The following CLHC1 variants were observed in gnomAD, a reference collection of about 807,000 sequenced individuals.
The protein encoded by CLHC1 is clathrin heavy chain linker domain containing 1, also known as clathrin heavy chain linker domain-containing protein 1.
In CLHC1, 72 loss-of-function variants were observed where a neutral mutation model predicts 69.5. The ratio of observed to expected loss-of-function variants is 1.04; its 90% CI spans 0.86 to 1.26. The LOEUF is 1.26. Among genes scored for constraint, CLHC1 ranks in the 50% most tolerant of loss-of-function variants. The pLI is 0.00. For missense variants in CLHC1, 790 were observed against 679.3 expected (o/e 1.16, Z -1.81); for synonymous variants, 223 against 224.3 (o/e 0.99, Z 0.05).
chr2:55,212,243 C>T (rs1421789463), intron 5 of CLHC1, among the ~76,000 whole-genome samples: 1 of 152,188 alleles, frequency 6.6e-6, no homozygotes, highest in African/African-American at 2.4e-5. Flanking sequence ...CACCACTGCA[C>T]ACCCAGCCTG....
chr2:55,178,406 C>G (rs1262495071), intron 11 of CLHC1, among the ~76,000 whole-genome samples: 1 of 152,202 alleles, frequency 6.6e-6, no homozygotes, highest in Admixed American at 6.5e-5. Flanking sequence ...AAGAACAATT[C>G]CATATGGGTT....
At chr2:55,186,082 T>C (rs1248483717) in intron 9 of CLHC1, among the ~76,000 whole-genome samples, 1 of 152,220 alleles carries the variant, frequency 6.6e-6, no homozygotes, top group East Asian at 1.9e-4. Context: ...CTACTATTCC[T>C]GGCTATATCT....
intron 9 of CLHC1, among the ~76,000 whole-genome samples, chr2:55,188,144 T>C (rs972124509): frequency 6.6e-6 from 1 of 151,984 alleles, no homozygotes; most frequent in Admixed American, 6.5e-5. Flanking sequence ...CAAGTCTCCA[T>C]CTGTACAAAA....
chr2:55,217,825 G>C lies in CLHC1; in HGVS notation c.351C>G (p.Ile117Met), dbSNP rs201178979. 18 of 1,540,666 alleles carry C rather than the reference G, an allele frequency of 1.2e-5. No homozygotes were observed. In the African/African-American group the frequency reaches 2.4e-4, roughly 21 times the overall value. Reference protein sequence around the residue: ...TALVYYRKRTIQLEAKMRIIE... With the variant: ...TALVYYRKRTMQLEAKMRIIE... ...AAAATACTTACTTTGCTTCAAGTTG[G>C]ATTGTTCTTTTCCTGTAATATACCA... Residue 117 changes from isoleucine to methionine, a missense_variant, in exon 4 of 13, where the codon ATC (isoleucine) becomes ATG (methionine). Transcript: ENST00000401408.
rs543004601 is a variant in CLHC1 at position 55,180,558 on chromosome 2, T to C, written c.1336A>G (p.Thr446Ala). ...AILCLCKQGQ[T>A]HRVMEYIQQL... ...TGTATGTACTCCATGACCCTATGAG[T>C]CTGACCCTGTTTACACAAGCAAAGA... Residue 446 changes from threonine (T) to alanine (A), a missense_variant, in exon 11 of 13, where the codon ACT becomes GCT. By Grantham distance (58) the Thr-to-Ala change is moderately conservative (BLOSUM62 0). Coordinates refer to ENST00000401408, the MANE Select transcript of CLHC1 (RefSeq NM_152385.4). 12 of 1,614,126 alleles carry C rather than the reference T, an allele frequency of 7.4e-6. No individual in the cohort carries two copies. The highest frequency in any genetic ancestry group is 3.4e-6 in the Non-Finnish European group (4 of 1,180,012).
rs1398773619 is a variant in CLHC1, at chr2:55,217,562, T to C, written c.365+249A>G. Among the ~76,000 whole-genome samples, 3 of 86,170 alleles carry C rather than the reference T, an allele frequency of 3.5e-5. 1 individual carries two copies. The highest frequency in any genetic ancestry group is 2.8e-4 in the Admixed American group (2 of 7,228). The allele number at this position is 86,170 out of a possible 152,430, so 56.5% of individuals were successfully genotyped here. A position where few individuals can be genotyped will look rare whatever the true frequency, so the allele number is the denominator to read the frequency against. On this transcript the variant is annotated intron_variant, in intron 4 of 12. Transcript: ENST00000401408. ...AAAAAAAAAAAAAAAAATATATATA[T>C]ATATATATATATATATATATATACT...
At chr2:55,203,745 C>A (rs1672180907) in intron 9 of CLHC1, among the ~76,000 whole-genome samples, 1 of 152,068 alleles carries the variant, frequency 6.6e-6, no homozygotes, top group South Asian at 2.1e-4. Flanking sequence ...GGACATTGGT[C>A]TCGGCAAAAA....
intron 4 of CLHC1, chr2:55,215,269 G>A (rs1673388820): frequency 6.6e-6 from 1 of 152,062 alleles, no homozygotes; most frequent in African/African-American, 2.4e-5. Context: ...CAAAATCAGG[G>A]CAAAATCTAA....
rs1669198205 is a variant in CLHC1 at position 55,174,355 on chromosome 2, T to A, written c.*1435A>T. Among the ~76,000 whole-genome samples, 1 of 152,162 alleles carries A rather than the reference T, an allele frequency of 6.6e-6. No homozygotes were observed. On this transcript the variant is annotated 3_prime_UTR_variant, in exon 13 of 13. Transcript: ENST00000401408. The stretch of plus-strand genomic sequence containing the variant: ...CCTAATACAAGTGTGGACAGATAAC[T>A]TAATCTCAGCAATAAGTTGTACCAA...
chr2:55,179,550 T>G (rs1669716443), intron 11 of CLHC1, among the ~76,000 whole-genome samples: 1 of 152,176 alleles, frequency 6.6e-6, no homozygotes, highest in Admixed American at 6.5e-5. Flanking sequence ...TTTCCTGGAA[T>G]AATGTGACCT....
upstream of CLHC1, chr2:55,232,306 T>G (rs987499760): frequency 4.8e-6 from 1 of 209,140 alleles, no homozygotes; most frequent in Non-Finnish European, 1.0e-5. Flanking sequence ...GAGGTGGAAC[T>G]GCATCTTGGG....
intron 10 of CLHC1, among the ~76,000 whole-genome samples, 160 bp from the exon 11 acceptor site, chr2:55,180,872 T>C (rs1411897565): frequency 6.6e-6 from 1 of 152,212 alleles, no homozygotes; most frequent in Non-Finnish European, 1.5e-5. Context: ...ATTGAAATGA[T>C]TACTTGTCAA....
At chr2:55,203,166 A>G (rs958218775) in intron 9 of CLHC1, among the ~76,000 whole-genome samples, 1 of 152,196 alleles carries the variant, frequency 6.6e-6, no homozygotes, top group African/African-American at 2.4e-5. Flanking sequence ...AAGAGGACAC[A>G]CAAAAAATGG....
chr2:55,195,121 G>A (rs1239891212), intron 9 of CLHC1, among the ~76,000 whole-genome samples: 1 of 152,094 alleles, frequency 6.6e-6, no homozygotes, highest in East Asian at 1.9e-4. Context: ...ATTAACTATA[G>A]TCAACATGCT....
chr2:55,216,674 C>A (rs1419903220), intron 4 of CLHC1, among the ~76,000 whole-genome samples: 1 of 151,044 alleles, frequency 6.6e-6, no homozygotes, highest in Non-Finnish European at 1.5e-5. Context: ...ACTGGGACCA[C>A]ACCCAGCTAA....
Position 55,180,682 on chromosome 2 carries a change from C to T in CLHC1, c.1212G>A (p.Val404=). Residue 404 remains valine, a synonymous_variant, in exon 11 of 13, where the codon GTG becomes GTA. Transcript: ENST00000401408. ...TATCCTGCTCCCCATAATCACAAAT[C>T]ACATCCCCAGCCTCCTCAGAAAATG... ...RLTFSEEAGD[V]ICDYGEQDTY... is the part of the protein sequence containing the mutation. 6.2e-7 allele frequency: 1 copy of T among 1,614,018 alleles called. No individual in the cohort carries two copies. The highest frequency in any genetic ancestry group is 8.5e-7 in the Non-Finnish European group (1 of 1,179,964).
rs1360082246 is a variant in CLHC1 at position 55,174,764 on chromosome 2, T to C, written c.*1026A>G. ...TCTAATAGCAGATCATTTTCATTTT[T>C]TACTTGAAATTTTTTTTTCTTTTTT... is the stretch of plus-strand genomic sequence containing the variant. On this transcript the variant is annotated 3_prime_UTR_variant, in exon 13 of 13. Transcript: ENST00000401408. 1 of 152,206 alleles carries C rather than the reference T, an allele frequency of 6.6e-6. No homozygotes were observed. The highest frequency in any genetic ancestry group is 1.5e-5 in the Non-Finnish European group (1 of 68,036). 9.4% of individuals were successfully genotyped at this position (152,206 alleles called of 1,614,324 possible).
chr2:55,217,750 G>T, intron 4 of CLHC1, 61 bp downstream of exon 4: 2 of 1,044,366 alleles, frequency 1.9e-6, no homozygotes, highest in Admixed American at 2.9e-5. Context: ...GAGTTACACT[G>T]GCTAGTTATT....
At chr2:55,183,033 A>G (rs972298513) in intron 9 of CLHC1, among the ~76,000 whole-genome samples, 14 of 152,192 alleles carry the variant, frequency 9.2e-5, no homozygotes, top group Non-Finnish European at 1.5e-4. Flanking sequence ...ATCAAAGCCT[A>G]ATGACCACTG....
Sources: allele counts gnomAD v4.1 joint callset (sites outside exome capture counted in the v4.1 genomes callset), GRCh38; gene constraint gnomAD v4.1.1; transcripts MANE v1.5; gene names NCBI Gene and HGNC (gene_info 2026-07-23, HGNC 2026-07-21).